Variants in PTDSS2 observed in about 807,000 individuals in gnomAD.
The protein encoded by PTDSS2 is phosphatidylserine synthase 2.
In PTDSS2, 41 loss-of-function variants were observed where a neutral mutation model predicts 64.7. That is an observed-to-expected ratio of 0.63 (90% CI 0.49 to 0.82). PTDSS2 has a LOEUF of 0.82. PTDSS2 is among the 40% of genes least tolerant of loss of function. The pLI is 0.00. For synonymous variants in PTDSS2, 297 were observed against 277.8 expected (o/e 1.07, Z -0.69); for missense variants, 485 against 650.0 (o/e 0.75, Z 2.76).
chr11:471,582 C>T (rs1455361378), intron 2 of PTDSS2, among the ~76,000 whole-genome samples: 1 of 151,202 alleles, frequency 6.6e-6, no homozygotes, highest in African/African-American at 2.4e-5. Flanking sequence ...GGAGGGCGGC[C>T]TGGGGTGACA....
intron 2 of PTDSS2, among the ~76,000 whole-genome samples, chr11:469,331 C>G (rs113863589): frequency 0.019 from 497 of 26,694 alleles, 6 homozygotes; most frequent in African/African-American, 0.037. Context: ...AGGAGGAGGG[C>G]AGTCTCTGGG....
chr11:487,877 C>T (rs986961628), intron 6 of PTDSS2, among the ~76,000 whole-genome samples: 3 of 152,226 alleles, frequency 2.0e-5, no homozygotes, highest in African/African-American at 7.2e-5. Context: ...TGCTGACAGT[C>T]GTACATCGAG....
intron 1 of PTDSS2, 124 bp downstream of exon 1, chr11:450,761 G>C (rs771489950): frequency 2.2e-6 from 2 of 892,276 alleles, no homozygotes; most frequent in South Asian, 1.2e-4. Context: ...TGTGGCCGGG[G>C]GTTTGAGGGT....
At chr11:486,341 C>G (rs570984166) in intron 4 of PTDSS2, among the ~76,000 whole-genome samples, 1 of 152,296 alleles carries the variant, frequency 6.6e-6, no homozygotes, top group East Asian at 1.9e-4. Flanking sequence ...GGCCCCATCC[C>G]GCTCCCGTCT....
Position 476,812 on chromosome 11 carries a change from C to G in PTDSS2, c.368-2273C>G, listed in dbSNP as rs1847826690. Among the ~76,000 whole-genome samples the G allele has an allele frequency of 6.6e-6, 1 of 152,220 alleles. No individual in the cohort carries two copies. The highest frequency in any genetic ancestry group is 2.4e-5 in the African/African-American group (1 of 41,450). ...TTCAGTTTTTAGTCTGAGCTCTGCTCTACCTTTCTTCTGTCCGTTTAGTTT... is the reference window on the plus strand; with the variant it reads ...TTCAGTTTTTAGTCTGAGCTCTGCTGTACCTTTCTTCTGTCCGTTTAGTTT... On this transcript the variant is annotated intron_variant, in intron 3 of 11. Transcript: ENST00000308020. The surrounding 1 kb of genome is among the most constrained non-coding windows in gnomAD (Gnocchi z 4.9).
At chr11:463,030 G>C (rs187276411) in intron 2 of PTDSS2, 7 of 151,810 alleles carry the variant, frequency 4.6e-5, no homozygotes, top group Non-Finnish European at 1.0e-4. Context: ...AGCCGGGCGC[G>C]GTGGCTCATG....
At chr11:490,204 G>C (rs1848608283) in intron 11 of PTDSS2, 136 bp downstream of exon 11, 1 of 1,175,498 alleles carries the variant, frequency 8.5e-7, no homozygotes. Flanking sequence ...TGCGGGAGGC[G>C]CCTTTCCTGA....
Position 450,286 on chromosome 11 carries a change from AC to A in PTDSS2, c.-168del. ...GCGCGGACTACAAGCCCCACAATGC[AC>A]CGCACACCCTTTACTGGCCGGCCCC... On this transcript the variant is annotated 5_prime_UTR_variant, in exon 1 of 12. An upstream open reading frame in the 5' UTR gains an earlier in-frame stop. Coordinates refer to ENST00000308020, the MANE Select transcript of PTDSS2 (RefSeq NM_030783.3). 1 of 459,360 alleles carries A rather than the reference AC, an allele frequency of 2.2e-6. No individual in the cohort carries two copies. The highest frequency in any genetic ancestry group is 4.6e-5 in the Admixed American group (1 of 21,922). The allele number at this position is 459,360 out of a possible 1,614,324, so 28.5% of individuals were successfully genotyped here. A position where few individuals can be genotyped will look rare whatever the true frequency, so the allele number is the denominator to read the frequency against.
At chr11:475,198 T>TTCACGCGTTTGTGTGATAC (rs1847709990) in intron 3 of PTDSS2, among the ~76,000 whole-genome samples, 2 of 95,308 alleles carry the variant, frequency 2.1e-5, no homozygotes, top group African/African-American at 9.0e-5. Context: ...GTTTATGATA[T>TTCACGCGTTTGTGTGATAC]GGACATAATC....
chr11:448,311 G>C (rs1166730809), upstream of PTDSS2: 2 of 152,202 alleles, frequency 1.3e-5, no homozygotes, highest in Non-Finnish European at 2.9e-5. Flanking sequence ...ACATCTCCCC[G>C]CCCCGGCCTC....
intron 2 of PTDSS2, among the ~76,000 whole-genome samples, chr11:466,193 G>A (rs1358676068): frequency 1.3e-5 from 2 of 152,052 alleles, no homozygotes; most frequent in Non-Finnish European, 2.9e-5. Flanking sequence ...GTGTAACATG[G>A]TCTATTAGTC....
At chr11:464,522 A>C (rs1221809757) in intron 2 of PTDSS2, among the ~76,000 whole-genome samples, 1 of 152,180 alleles carries the variant, frequency 6.6e-6, no homozygotes, top group African/African-American at 2.4e-5. Context: ...GTGCCAGTGC[A>C]TCTGCCTGGG....
chr11:480,991 AG>A (rs770953404), intron 4 of PTDSS2, among the ~76,000 whole-genome samples: 1 of 151,404 alleles, frequency 6.6e-6, no homozygotes, highest in African/African-American at 2.4e-5. Flanking sequence ...GGCTGAGGCA[AG>A]TGAATGGCCT....
intron 1 of PTDSS2, among the ~76,000 whole-genome samples, chr11:455,954 C>G (rs920151638): frequency 6.6e-5 from 10 of 152,118 alleles, no homozygotes; most frequent in African/African-American, 2.2e-4. Flanking sequence ...CCAGGAGGCT[C>G]CGGGCCCCAC....
chr11:453,187 CCTT>C (rs144743294), intron 1 of PTDSS2, among the ~76,000 whole-genome samples: 1,667 of 152,300 alleles, frequency 0.011, 15 homozygotes, highest in African/African-American at 0.017. Flanking sequence ...GCTGAGCTCT[CCTT>C]CTCTGGATTC....
chr11:486,945 C>T lies in PTDSS2; in HGVS notation c.442C>T (p.Gln148Ter), dbSNP rs374036785. The T allele has an allele frequency of 6.2e-7, 1 of 1,612,116 alleles. No homozygotes were observed. Among genetic ancestry groups the T allele is most frequent in the Non-Finnish European group, 8.5e-7 (1 of 1,179,448 alleles). ...GGGGGCACTGGCCTTGCAGACTGTCCAGGACGGCCGGCAGTTTCTAAAGTA... is the reference window on the plus strand; with the variant it reads ...GGGGGCACTGGCCTTGCAGACTGTCTAGGACGGCCGGCAGTTTCTAAAGTA... ...FLIFILFQTV[Q>*]DGRQFLKYVD... Residue 148 changes from glutamine (Q) to a stop codon, truncating the protein, a stop_gained, in exon 5 of 12, where the codon CAG becomes TAG. Coordinates refer to ENST00000308020, the MANE Select transcript of PTDSS2 (RefSeq NM_030783.3). LOFTEE classifies it high-confidence loss of function.
At chr11:454,912 G>A (rs1035274188) in intron 1 of PTDSS2, among the ~76,000 whole-genome samples, 9 of 152,206 alleles carry the variant, frequency 5.9e-5, no homozygotes, top group Admixed American at 1.3e-4. Flanking sequence ...TGAGCTTTGC[G>A]TTTATTCCTG....
rs1847600550 is a variant in PTDSS2, at chr11:473,953, G to A, written c.343G>A (p.Gly115Arg). 1.9e-6 allele frequency: 3 copies of A among 1,614,004 alleles called. No homozygotes were observed. Among genetic ancestry groups the A allele is most frequent in the Non-Finnish European group, 2.5e-6 (3 of 1,179,842 alleles). The part of the protein sequence containing the change: ...LCFGVTQAKD[G>R]PFSRPHPAYW... ...TTTTGGAGTCACACAAGCTAAAGAC[G>A]GGCCATTTTCCAGACCTCATCCAGG... Residue 115 changes from glycine (G) to arginine (R), a missense_variant, in exon 3 of 12, where the codon GGG (glycine) becomes AGG (arginine). Transcript: ENST00000308020.
At chr11:486,136 G>A (rs1848366691) in intron 4 of PTDSS2, among the ~76,000 whole-genome samples, 1 of 152,206 alleles carries the variant, frequency 6.6e-6, no homozygotes, top group Admixed American at 6.5e-5. Flanking sequence ...ACAGGTGTCT[G>A]TAAATGATGT....
Sources: allele counts gnomAD v4.1 joint callset (sites outside exome capture counted in the v4.1 genomes callset), GRCh38; gene constraint gnomAD v4.1.1; non-coding constraint Gnocchi (gnomAD v3.1); transcripts MANE v1.5; gene names NCBI Gene and HGNC (gene_info 2026-07-23, HGNC 2026-07-21).